ROBO2: variants seen among roughly 807,000 people sequenced by gnomAD.
ROBO2 encodes roundabout homolog 2.
ROBO2 carries 53 observed loss-of-function variants against 160.8 expected under a neutral mutation model. The observed-to-expected ratio is 0.33, with a 90% CI of 0.26 to 0.41. The LOEUF (loss-of-function observed/expected upper bound fraction) is 0.41, where lower values mean the gene tolerates loss of function less well. Among genes scored for constraint, ROBO2 ranks in the 10% least tolerant of loss-of-function variants. ROBO2 has a pLI of 1.00. For synonymous variants in ROBO2, 664 were observed against 611.7 expected (o/e 1.09, Z -1.26); for missense variants, 1,577 against 1,722.4 (o/e 0.92, Z 1.49).
chr3:76,237,024 T>G (rs1219862660), intron 2 of ROBO2, among the ~76,000 whole-genome samples: 9 of 152,138 alleles, frequency 5.9e-5, no homozygotes, highest in Non-Finnish European at 1.2e-4. Flanking sequence ...TCATTTGAAA[T>G]GAATATTGTC....
intron 2 of ROBO2, among the ~76,000 whole-genome samples, chr3:76,247,271 C>T (rs1378480485): frequency 1.3e-5 from 2 of 152,004 alleles, no homozygotes; most frequent in Non-Finnish European, 2.9e-5. Flanking sequence ...ATTTTTATGG[C>T]CACTGCTCCA....
intron 2 of ROBO2, among the ~76,000 whole-genome samples, chr3:77,416,805 T>C (rs2077273582): frequency 6.6e-6 from 1 of 151,030 alleles, no homozygotes; most frequent in Non-Finnish European, 1.5e-5. Context: ...AGGGAGTACA[T>C]CTCATTAAGT....
chr3:76,752,974 C>T (rs917136103), intron 2 of ROBO2, among the ~76,000 whole-genome samples: 2 of 151,772 alleles, frequency 1.3e-5, no homozygotes, highest in Non-Finnish European at 2.9e-5. Context: ...TAATATGACC[C>T]AATTAAACAA....
Position 76,752,116 on chromosome 3 carries a change from A to G in ROBO2, c.110-345898A>G, listed in dbSNP as rs1446929678. Among the ~76,000 whole-genome samples, 3 of 152,166 alleles carry G rather than the reference A, an allele frequency of 2.0e-5. No individual in the cohort carries two copies. In the East Asian group the frequency reaches 5.8e-4, roughly 29 times the overall value. Reference sequence around the variant, plus strand: ...AGCATGGAATACTATGCAGCCATAAAAAAGGATGAGTTCATGTCTTTTGTA... The same window carrying G: ...AGCATGGAATACTATGCAGCCATAAGAAAGGATGAGTTCATGTCTTTTGTA... On this transcript the variant is annotated intron_variant, in intron 2 of 26. Coordinates refer to the ROBO2 transcript ENST00000487694.
At chr3:77,334,685 T>C (rs1462457952) in intron 2 of ROBO2, among the ~76,000 whole-genome samples, 1 of 152,160 alleles carries the variant, frequency 6.6e-6, no homozygotes, top group African/African-American at 2.4e-5. Flanking sequence ...TAGTGACAGA[T>C]ACTTTCAAGA....
At chr3:76,570,883 C>T (rs1195337378) in intron 2 of ROBO2, among the ~76,000 whole-genome samples, 1 of 152,130 alleles carries the variant, frequency 6.6e-6, no homozygotes, top group Admixed American at 6.5e-5. Context: ...TTTCAGAATT[C>T]TACCTCTCTC....
intron 6 of ROBO2, among the ~76,000 whole-genome samples, chr3:77,531,562 G>A (rs1428819557): frequency 6.6e-6 from 1 of 151,026 alleles, no homozygotes; most frequent in Admixed American, 6.6e-5. Context: ...GTTTGTGATT[G>A]AAAAATTCAT....
intron 2 of ROBO2, among the ~76,000 whole-genome samples, chr3:76,172,398 A>T (rs972710822): frequency 6.6e-6 from 1 of 150,516 alleles, no homozygotes; most frequent in Non-Finnish European, 1.5e-5. Flanking sequence ...AAACCTGCAC[A>T]TTGTGCACAT....
At chr3:76,582,729 T>C (rs935057515) in intron 2 of ROBO2, among the ~76,000 whole-genome samples, 1 of 152,150 alleles carries the variant, frequency 6.6e-6, no homozygotes, top group African/African-American at 2.4e-5. Flanking sequence ...GTGGTCAGTA[T>C]GGTTAGAGTC....
chr3:76,136,155 T>C (rs1230490273), intron 2 of ROBO2, among the ~76,000 whole-genome samples: 1 of 152,258 alleles, frequency 6.6e-6, no homozygotes, highest in South Asian at 2.1e-4. Context: ...GGTTTAATAC[T>C]CTCTTGACAG....
intron 2 of ROBO2, among the ~76,000 whole-genome samples, chr3:76,941,054 C>T (rs755321931): frequency 2.6e-5 from 4 of 152,116 alleles, no homozygotes; most frequent in Non-Finnish European, 5.9e-5. Context: ...GATAACTTCA[C>T]CCATTCTTTC....
At chr3:77,015,039 T>TAA (rs11391793) in intron 2 of ROBO2, among the ~76,000 whole-genome samples, 3 of 145,294 alleles carry the variant, frequency 2.1e-5, no homozygotes, top group African/African-American at 5.0e-5. Context: ...GTTCAACTTG[T>TAA]AAAAAAAAAA....
chr3:76,525,106 AG>A (rs2081878608), intron 2 of ROBO2, among the ~76,000 whole-genome samples: 1 of 151,682 alleles, frequency 6.6e-6, no homozygotes, highest in Non-Finnish European at 1.5e-5. Context: ...AAACCCCTTA[AG>A]GGCAGCAAAA....
intron 6 of ROBO2, among the ~76,000 whole-genome samples, chr3:77,535,646 A>G (rs2092046185): frequency 6.6e-6 from 1 of 152,094 alleles, no homozygotes; most frequent in Non-Finnish European, 1.5e-5. Flanking sequence ...ACAAAATTTT[A>G]TTGTTTTATT....
intron 2 of ROBO2, among the ~76,000 whole-genome samples, chr3:76,726,556 G>T (rs2093556094): frequency 6.6e-6 from 1 of 151,970 alleles, no homozygotes; most frequent in African/African-American, 2.4e-5. Context: ...TTCATGTCGA[G>T]TGAGTCCTCT....
At chr3:77,386,114 A>G (rs1273478407) in intron 2 of ROBO2, among the ~76,000 whole-genome samples, 1 of 152,200 alleles carries the variant, frequency 6.6e-6, no homozygotes, top group African/African-American at 2.4e-5. Flanking sequence ...GTACTGTGCT[A>G]AGTATTTTAC....
chr3:77,020,859 A>G (rs928760675), intron 2 of ROBO2, among the ~76,000 whole-genome samples: 2 of 152,188 alleles, frequency 1.3e-5, no homozygotes, highest in Admixed American at 6.5e-5. Context: ...AATATTTTCT[A>G]TAACAAACAG....
intron 2 of ROBO2, among the ~76,000 whole-genome samples, chr3:76,567,675 A>G (rs2084654193): frequency 1.5e-5 from 2 of 135,174 alleles, no homozygotes; most frequent in Admixed American, 1.5e-4. Flanking sequence ...ATATATACAT[A>G]TATATGTATA....
intron 2 of ROBO2, among the ~76,000 whole-genome samples, chr3:76,217,716 G>C (rs149039871): frequency 2.0e-5 from 3 of 152,010 alleles, no homozygotes; most frequent in South Asian, 2.1e-4. Context: ...GATATACAGC[G>C]GAATTCTACC....
Sources: allele counts gnomAD v4.1 joint callset (sites outside exome capture counted in the v4.1 genomes callset), GRCh38; gene constraint gnomAD v4.1.1; transcripts MANE v1.5; gene names NCBI Gene and HGNC (gene_info 2026-07-23, HGNC 2026-07-21).